ROBO1: variants seen among roughly 807,000 people sequenced by gnomAD.
ROBO1 encodes roundabout guidance receptor 1, also known as roundabout homolog 1.
A neutral mutation model predicts 195.9 loss-of-function variants in ROBO1; 149 were observed. The observed-to-expected ratio is 0.76, with a 90% confidence interval of 0.67 to 0.87. ROBO1 has a LOEUF of 0.87. ROBO1 is among the 40% of genes least tolerant of loss of function. The pLI, the probability that ROBO1 is intolerant of heterozygous loss-of-function variation, is 0.00. For synonymous variants in ROBO1, 816 were observed against 733.2 expected (o/e 1.11, Z -1.82); for missense variants, 1,933 against 2,068.3 (o/e 0.93, Z 1.27).
intron 2 of ROBO1, among the ~76,000 whole-genome samples, chr3:79,513,281 C>G (rs1325562778): frequency 1.3e-5 from 2 of 151,900 alleles, no homozygotes; most frequent in South Asian, 4.1e-4. Context: ...TAGTAGATGA[C>G]TTAAAATAAC....
intron 2 of ROBO1, among the ~76,000 whole-genome samples, chr3:79,147,628 C>A (rs1249541021): frequency 6.6e-6 from 1 of 151,888 alleles, no homozygotes; most frequent in East Asian, 1.9e-4. Flanking sequence ...AAGTACTTGT[C>A]TTTGAATAGG....
chr3:79,412,311 G>C (rs1415370766), intron 2 of ROBO1, among the ~76,000 whole-genome samples: 1 of 152,134 alleles, frequency 6.6e-6, no homozygotes, highest in African/African-American at 2.4e-5. Flanking sequence ...TCTTTCTGCA[G>C]CTACTAGTTC....
At chr3:79,310,848 C>A (rs2033452762) in intron 2 of ROBO1, among the ~76,000 whole-genome samples, 1 of 152,104 alleles carries the variant, frequency 6.6e-6, no homozygotes, top group East Asian at 1.9e-4. Flanking sequence ...TTTCTGAAAT[C>A]CATTTTCAAA....
chr3:79,345,823 T>C (rs965012550), intron 2 of ROBO1, among the ~76,000 whole-genome samples: 5 of 152,178 alleles, frequency 3.3e-5, no homozygotes, highest in Non-Finnish European at 7.3e-5. Context: ...TTATAAGCTG[T>C]CCTCATGTTT....
intron 2 of ROBO1, among the ~76,000 whole-genome samples, chr3:79,148,066 A>G (rs1214884554): frequency 1.3e-5 from 2 of 151,696 alleles, no homozygotes; most frequent in East Asian, 3.9e-4. Flanking sequence ...CTCTTTTCTT[A>G]TCTGCCTCTG....
At chr3:78,708,680 C>G (rs550279341) in intron 8 of ROBO1, among the ~76,000 whole-genome samples, 2 of 152,266 alleles carry the variant, frequency 1.3e-5, no homozygotes, top group South Asian at 2.1e-4. Context: ...GTTTCAATGA[C>G]ACGCTGTTTA....
At chr3:79,433,042 G>A (rs1363292554) in intron 2 of ROBO1, among the ~76,000 whole-genome samples, 1 of 152,086 alleles carries the variant, frequency 6.6e-6, no homozygotes, top group East Asian at 1.9e-4. Context: ...TGAAGTTCAG[G>A]GGTACATGTG....
intron 5 of ROBO1, among the ~76,000 whole-genome samples, chr3:78,722,046 C>A (rs2082056937): frequency 6.6e-6 from 1 of 151,888 alleles, no homozygotes; most frequent in Non-Finnish European, 1.5e-5. Context: ...GCTATAAAGG[C>A]CTAAGGAATT....
intron 2 of ROBO1, among the ~76,000 whole-genome samples, chr3:79,277,716 TC>T (rs1395508323): frequency 6.6e-6 from 1 of 151,636 alleles, no homozygotes; most frequent in African/African-American, 2.4e-5. Flanking sequence ...TATATCTATA[TC>T]AAAAAATCTC....
chr3:79,689,131 T>G (rs1208112666), intron 1 of ROBO1, among the ~76,000 whole-genome samples: 1 of 151,966 alleles, frequency 6.6e-6, no homozygotes, highest in Non-Finnish European at 1.5e-5. Context: ...TAATAATCAG[T>G]AGATGAAACC....
In ROBO1 at chr3:78,617,921, G is replaced by A. The variant is rs780966134; in HGVS notation, c.3996C>T (p.Asp1332=). 5.0e-6 allele frequency: 8 copies of A among 1,613,960 alleles called. No homozygotes were observed. Among genetic ancestry groups the A allele is most frequent in the Non-Finnish European group, 6.8e-6 (8 of 1,179,880 alleles). The change falls in exon 27 of 31, where the codon GAC becomes GAT. Residue 1332 remains aspartate (D), a synonymous_variant. Coordinates refer to ENST00000464233, the MANE Select transcript of ROBO1 (RefSeq NM_002941.4). ...TCTTGGCTACCTCCATGTCGGCTTC[G>A]TCTTCTTCCTCTTCTGGCGCATCCG... ...MDTDAPEEEE[D]EADMEVAKMQ...
At chr3:79,534,897 T>C (rs1941796419) in intron 2 of ROBO1, among the ~76,000 whole-genome samples, 1 of 152,156 alleles carries the variant, frequency 6.6e-6, no homozygotes, top group Non-Finnish European at 1.5e-5. Flanking sequence ...GGGTGACGCA[T>C]ACTAACGACT....
intron 2 of ROBO1, among the ~76,000 whole-genome samples, chr3:79,496,401 G>A (rs1458407117): frequency 3.5e-5 from 1 of 28,674 alleles, no homozygotes; most frequent in African/African-American, 3.4e-4. Flanking sequence ...TTTTGAGACG[G>A]AGTCTCGCTC....
intron 4 of ROBO1, among the ~76,000 whole-genome samples, chr3:78,862,646 G>A (rs372220301): frequency 8.5e-5 from 13 of 152,306 alleles, no homozygotes; most frequent in African/African-American, 2.9e-4. Flanking sequence ...CCATAGGATT[G>A]ATTAATCCAT....
chr3:79,041,302 T>C (rs1418813657), intron 3 of ROBO1, among the ~76,000 whole-genome samples: 1 of 152,180 alleles, frequency 6.6e-6, no homozygotes, highest in Admixed American at 6.5e-5. Flanking sequence ...TAAAGTGAAA[T>C]CTTGAATGAC....
intron 5 of ROBO1, among the ~76,000 whole-genome samples, chr3:78,734,632 C>G (rs2082354503): frequency 6.6e-6 from 1 of 150,944 alleles, no homozygotes; most frequent in South Asian, 2.1e-4. Context: ...AAAAAACCTC[C>G]AGAATCATCT....
At chr3:78,878,290 T>C (rs2035970047) in intron 4 of ROBO1, among the ~76,000 whole-genome samples, 1 of 152,004 alleles carries the variant, frequency 6.6e-6, no homozygotes, top group Admixed American at 6.6e-5. Context: ...AGATGTGTAA[T>C]TTTAAAATAC....
rs139337021 is a variant in ROBO1 at position 79,338,194 on chromosome 3, T to C, written c.89-212655A>G. On this transcript the variant is annotated intron_variant, in intron 2 of 30. Transcript: ENST00000464233. ...TTTGGAATTTGATTAAATAATCTTA[T>C]ACAAACATATCAGAACATTTACTTA... 8.0e-3 allele frequency among the ~76,000 whole-genome samples: 1,226 copies of C among 152,332 alleles called. 18 individuals carry two copies. Among genetic ancestry groups the C allele is most frequent in the African/African-American group, 0.026 (1,087 of 41,576 alleles).
chr3:79,004,355 A>C (rs1008994579), intron 3 of ROBO1, among the ~76,000 whole-genome samples: 1 of 152,228 alleles, frequency 6.6e-6, no homozygotes, highest in Admixed American at 6.5e-5. Flanking sequence ...AGCAAAGTCA[A>C]GAAATTCATA....
Sources: allele counts gnomAD v4.1 joint callset (sites outside exome capture counted in the v4.1 genomes callset), GRCh38; gene constraint gnomAD v4.1.1; transcripts MANE v1.5; gene names NCBI Gene and HGNC (gene_info 2026-07-23, HGNC 2026-07-21).